UBE4B: variants seen among roughly 807,000 people sequenced by gnomAD.
The protein encoded by UBE4B is ubiquitination factor E4B.
Under a neutral mutation model 148.1 loss-of-function variants are expected in UBE4B, and 27 were observed. The ratio of observed to expected loss-of-function variants is 0.18; its 90% CI spans 0.13 to 0.25. UBE4B has a LOEUF of 0.25. Among genes scored for constraint, UBE4B ranks in the 10% least tolerant of loss-of-function variants. The pLI is 1.00. For synonymous variants in UBE4B, 596 were observed against 619.3 expected (o/e 0.96, Z 0.56); for missense variants, 1,170 against 1,662.4 (o/e 0.70, Z 5.15).
rs750689723 is a variant in UBE4B at position 10,105,491 on chromosome 1, GTTC to G, written c.581-22_581-20del. 4 of 1,609,976 alleles carry G rather than the reference GTTC, an allele frequency of 2.5e-6. No homozygotes were observed. In the African/African-American group the frequency reaches 5.3e-5, roughly 21 times the overall value. ...CCTGTGTTCGAACTGTGTGTAACCTGTTCTTTGTTCTGCCTTTCCAACAGTATT... is the reference window on the plus strand; with the variant it reads ...CCTGTGTTCGAACTGTGTGTAACCTGTTTGTTCTGCCTTTCCAACAGTATT... On this transcript the variant is annotated intron_variant, in intron 5 of 27. Transcript: ENST00000343090.
At chr1:10,144,499 GC>G (rs1238969278) in intron 17 of UBE4B, among the ~76,000 whole-genome samples, 1 of 152,098 alleles carries the variant, frequency 6.6e-6, no homozygotes, top group Non-Finnish European at 1.5e-5. Context: ...ACTTTGGGAG[GC>G]TGGGGCAGGC....
At chr1:10,178,854 T>A in intron 26 of UBE4B, 36 bp downstream of exon 26, 1 of 1,555,362 alleles carries the variant, frequency 6.4e-7, no homozygotes. Context: ...TGATTTCTTT[T>A]GAGTTAACTG....
At chr1:10,105,490 T>C (rs1428867486) in intron 5 of UBE4B, 26 bp from the exon 6 acceptor site, 1 of 1,607,274 alleles carries the variant, frequency 6.2e-7, no homozygotes, top group Non-Finnish European at 8.5e-7. Flanking sequence ...GTGTGTAACC[T>C]GTTCTTTGTT....
intron 1 of UBE4B, among the ~76,000 whole-genome samples, chr1:10,038,588 G>T (rs927525680): frequency 3.9e-5 from 6 of 152,142 alleles, no homozygotes; most frequent in African/African-American, 1.4e-4. Flanking sequence ...CTCTGGACTC[G>T]AAAGTCCTCT....
At chr1:10,127,178 T>C (rs1645513892) in intron 11 of UBE4B, among the ~76,000 whole-genome samples, 1 of 151,848 alleles carries the variant, frequency 6.6e-6, no homozygotes, top group African/African-American at 2.4e-5. Flanking sequence ...GAGCATACCA[T>C]AGTTGGGATG....
In UBE4B at chr1:10,106,330, GCAGCCT is replaced by G. The variant is rs1187921068; in HGVS notation, c.945_950del (p.Ala316_Ser317del). On this transcript the variant is annotated inframe_deletion, in exon 7 of 28. Transcript: ENST00000343090. This position sits in a 1 kb window ranked among gnomAD's most constrained non-coding sequence, Gnocchi z 4.2. ...TTCCACTCCCCTCAGTCCTCACAGT[GCAGCCT>G]CTGGAACTGCTGCGGGAAGCCAGCC... 1.2e-6 allele frequency: 2 copies of G among 1,614,080 alleles called. No homozygotes were observed. Among genetic ancestry groups the G allele is most frequent in the Admixed American group, 1.7e-5 (1 of 60,000 alleles).
intron 1 of UBE4B, among the ~76,000 whole-genome samples, chr1:10,070,901 A>G (rs535675575): frequency 6.6e-6 from 1 of 152,232 alleles, no homozygotes; most frequent in East Asian, 1.9e-4. Flanking sequence ...AGTGAATTAA[A>G]TTGGCTATTT....
At chr1:10,165,540 G>A (rs61782938) in intron 23 of UBE4B, among the ~76,000 whole-genome samples, 15,712 of 152,022 alleles carry the variant, frequency 0.1, 1,481 homozygotes, top group African/African-American at 0.24. Context: ...AAATCCTGTG[G>A]TGAGAGCAGC....
At chr1:10,090,853 G>A (rs1557543887) in intron 2 of UBE4B, among the ~76,000 whole-genome samples, 1 of 150,588 alleles carries the variant, frequency 6.6e-6, no homozygotes, top group Non-Finnish European at 1.5e-5. Flanking sequence ...CAGGCCTAAT[G>A]TTACAAGTTA....
At chr1:10,073,920 A>ATTTTTTTT (rs947131085) in intron 2 of UBE4B, among the ~76,000 whole-genome samples, 10 of 74,844 alleles carry the variant, frequency 1.3e-4, no homozygotes, top group Non-Finnish European at 1.7e-4. Context: ...CTTTCTTTCT[A>ATTTTTTTT]TTTTTTTTTT....
chr1:10,040,810 G>A (rs932764037), intron 1 of UBE4B, among the ~76,000 whole-genome samples: 3 of 151,762 alleles, frequency 2.0e-5, no homozygotes, highest in Non-Finnish European at 2.9e-5. Context: ...ATTAGAGACG[G>A]GATTTCTCCA....
rs1490443808 is a variant in UBE4B at position 10,121,996 on chromosome 1, A to G, written c.1474A>G (p.Met492Val). The change falls in exon 10 of 28, where the codon ATG (methionine) becomes GTG (valine). Residue 492 changes from methionine to valine, a missense_variant. This residue lies in a region of UBE4B where 388 missense variants were observed against 536.0 expected (regional missense o/e 0.72). Coordinates refer to ENST00000343090, the MANE Select transcript of UBE4B (RefSeq NM_001105562.3). The part of the protein sequence containing the change: ...LQQPSFLVPY[M>V]LCRNLPYGFI... The stretch of plus-strand genomic sequence containing the variant: ...GCAGCCGTCCTTCCTAGTGCCGTAT[A>G]TGCTGTGTAGGAATCTCCCATATGG... 1 of 1,613,574 alleles carries G rather than the reference A, an allele frequency of 6.2e-7. No individual in the cohort carries two copies. Among genetic ancestry groups the G allele is most frequent in the Non-Finnish European group, 8.5e-7 (1 of 1,179,772 alleles).
At chr1:10,098,796 CCTATT>C (rs1472939829) in intron 3 of UBE4B, among the ~76,000 whole-genome samples, 1 of 152,146 alleles carries the variant, frequency 6.6e-6, no homozygotes, top group East Asian at 1.9e-4. Flanking sequence ...CAGCAACTCT[CCTATT>C]CAGTGGTGAG....
At chr1:10,129,122 A>G (rs1033126108) in intron 11 of UBE4B, 1 of 388,276 alleles carries the variant, frequency 2.6e-6, no homozygotes, top group Non-Finnish European at 4.7e-6. Context: ...CTGTTGCTCA[A>G]AATATCAATA....
At chr1:10,107,297 AGAT>A (rs776779503) in intron 7 of UBE4B, 42 of 1,289,476 alleles carry the variant, frequency 3.3e-5, no homozygotes, top group South Asian at 3.7e-5. Flanking sequence ...ATGAAGAAGA[AGAT>A]GATGATGATG....
chr1:10,107,496 C>A lies in UBE4B; in HGVS notation c.1196+913C>A, dbSNP rs922646082. On this transcript the variant is annotated intron_variant, in intron 7 of 27. Coordinates refer to ENST00000343090, the MANE Select transcript of UBE4B (RefSeq NM_001105562.3). The stretch of plus-strand genomic sequence containing the variant: ...GGATAGGGTCAAATGAGGTGGGCTC[C>A]AGAGTATATTGATGTGTTCAGACCT... 20 of 1,107,894 alleles carry A rather than the reference C, an allele frequency of 1.8e-5. No homozygotes were observed. The African/African-American group carries it at 3.1e-4, about 17-fold the overall frequency. The allele number at this position is 1,107,894 out of a possible 1,614,324, so 68.6% of individuals were successfully genotyped here.
At chr1:10,152,411 G>A (rs1645991653) in intron 21 of UBE4B, among the ~76,000 whole-genome samples, 1 of 152,050 alleles carries the variant, frequency 6.6e-6, no homozygotes, top group South Asian at 2.1e-4. Flanking sequence ...TATAGCCAGT[G>A]TGCAGATTTA....
chr1:10,102,560 G>A (rs1319138282), intron 4 of UBE4B, among the ~76,000 whole-genome samples: 4 of 151,538 alleles, frequency 2.6e-5, no homozygotes, highest in African/African-American at 4.8e-5. Flanking sequence ...AGCCAGGCCC[G>A]CAACCGCGCC....
chr1:10,047,782 G>A (rs1249475025), intron 1 of UBE4B, among the ~76,000 whole-genome samples: 2 of 152,114 alleles, frequency 1.3e-5, no homozygotes, highest in African/African-American at 2.4e-5. Context: ...TTGAGCCACC[G>A]CCCTTGGCCC....
Sources: gnomAD v4.1 joint callset for allele counts (sites outside exome capture counted in the v4.1 genomes callset) on GRCh38, gnomAD v4.1.1 for gene constraint, gnomAD v4.1.1 regional missense constraint, Gnocchi (gnomAD v3.1) non-coding constraint, MANE v1.5 for transcripts, NCBI Gene and HGNC (gene_info 2026-07-23, HGNC 2026-07-21) for gene names.